The following TSPEAR variants were observed in gnomAD, a reference collection of about 807,000 sequenced individuals.
The protein encoded by TSPEAR is thrombospondin-type laminin G domain and EAR repeat-containing protein.
TSPEAR carries 69 observed loss-of-function variants against 71.6 expected under a neutral mutation model. That is an observed-to-expected ratio of 0.96 (90% CI 0.79 to 1.18). TSPEAR has a LOEUF of 1.18. Among genes scored for constraint, TSPEAR ranks in the 50% most tolerant of loss-of-function variants. The probability of loss-of-function intolerance (pLI) is 0.00; values close to 1 mark genes in which losing one functional copy is unlikely to be tolerated. For synonymous variants in TSPEAR, 402 were observed against 387.2 expected, an observed-to-expected ratio of 1.04 and a Z score of -0.45; for missense variants, 971 against 894.9, an observed-to-expected ratio of 1.09 and a Z score of -1.09.
Position 44,676,317 on chromosome 21 carries a change from A to G in TSPEAR, c.82+35116T>C, listed in dbSNP as rs1555946874. 1.4e-5 allele frequency: 16 copies of G among 1,180,772 alleles called. No individual in the cohort carries two copies. The South Asian group carries it at 1.5e-4, about 11-fold the overall frequency. 73.1% of individuals were successfully genotyped at this position (1,180,772 alleles called of 1,614,324 possible). ...GGATAGCTGTGGCTAAAGCTTTAGT[A>G]AATTCATTATCAGAACAGTTGGCTT... On this transcript the variant is annotated intron_variant, in intron 1 of 11. Transcript: ENST00000323084.
chr21:44,579,992 G>A lies in TSPEAR; in HGVS notation c.83-11987C>T, dbSNP rs782230433. ...GCTAGACTGCTGGCAGCATGAAGTG[G>A]AAGCCCCAGAGCAGACGGGCACACA... is the stretch of plus-strand genomic sequence containing the variant. On this transcript the variant is annotated intron_variant, in intron 1 of 11. Coordinates refer to ENST00000323084, the MANE Select transcript of TSPEAR (RefSeq NM_144991.3). 1.5e-5 allele frequency: 25 copies of A among 1,613,252 alleles called. No homozygotes were observed. Among genetic ancestry groups the A allele is most frequent in the Non-Finnish European group, 2.0e-5 (24 of 1,179,900 alleles).
At chr21:44,547,589 G>C (rs781947328) in intron 2 of TSPEAR, among the ~76,000 whole-genome samples, 5 of 152,212 alleles carry the variant, frequency 3.3e-5, no homozygotes, top group Non-Finnish European at 7.3e-5. Flanking sequence ...TTAAAAAATA[G>C]TTTCTTCATC....
intron 1 of TSPEAR, among the ~76,000 whole-genome samples, chr21:44,569,481 A>G (rs1601425955): frequency 6.6e-6 from 1 of 152,084 alleles, no homozygotes; most frequent in East Asian, 1.9e-4. Flanking sequence ...GTGGCAGGAC[A>G]CACCATGGGC....
At chr21:44,533,422 C>T (rs587611442) in intron 3 of TSPEAR, among the ~76,000 whole-genome samples, 20 of 152,040 alleles carry the variant, frequency 1.3e-4, no homozygotes, top group Admixed American at 3.9e-4. Context: ...GCTCCTGCCC[C>T]TCCACCCCAT....
At chr21:44,632,701 A>C (rs2146211282) in intron 1 of TSPEAR, among the ~76,000 whole-genome samples, 1 of 152,018 alleles carries the variant, frequency 6.6e-6, no homozygotes, top group East Asian at 1.9e-4. Context: ...AAAATAGCTG[A>C]GTGTGGTGGT....
At chr21:44,503,386 C>G (rs1468107117) in intron 11 of TSPEAR, among the ~76,000 whole-genome samples, 217 of 22,954 alleles carry the variant, frequency 9.5e-3, no homozygotes, top group Middle Eastern at 0.031. Context: ...GAGCCCTCGG[C>G]GGGAAGCAAG....
At chr21:44,513,631 C>A (rs587715229) in intron 9 of TSPEAR, among the ~76,000 whole-genome samples, 1 of 152,344 alleles carries the variant, frequency 6.6e-6, no homozygotes, top group African/African-American at 2.4e-5. Context: ...CCAGGAGCAC[C>A]TGGAGCCCCC....
intron 1 of TSPEAR, chr21:44,698,175 C>T (rs1343741786): frequency 1.6e-6 from 1 of 607,596 alleles, no homozygotes; most frequent in African/African-American, 1.9e-5. Context: ...TCCCACATTC[C>T]AGGCCCCTGT....
intron 1 of TSPEAR, among the ~76,000 whole-genome samples, chr21:44,667,558 C>CTTGATGTG (rs1985852379): frequency 6.6e-6 from 1 of 152,196 alleles, no homozygotes; most frequent in African/African-American, 2.4e-5. Flanking sequence ...GGAGACACAG[C>CTTGATGTG]TCTAAGGAAA....
intron 1 of TSPEAR, chr21:44,579,856 ACAG>A: frequency 1.3e-6 from 2 of 1,596,808 alleles, no homozygotes; most frequent in South Asian, 2.2e-5. Context: ...AGGCAGGGGC[ACAG>A]CAGGAGGAGA....
At chr21:44,666,399 G>A in intron 1 of TSPEAR, 1 of 1,545,362 alleles carries the variant, frequency 6.5e-7, no homozygotes. Flanking sequence ...GGAGTGTACA[G>A]GTGTGGCCTC....
intron 1 of TSPEAR, among the ~76,000 whole-genome samples, chr21:44,599,134 T>TTCTCTCCCTCTCTCTC (rs1980577167): frequency 1.1e-4 from 10 of 92,280 alleles, no homozygotes; most frequent in East Asian, 3.1e-4. Context: ...GGCCCCCATT[T>TTCTCTCCCTCTCTCTC]TCTCTCTCTC....
intron 1 of TSPEAR, chr21:44,627,308 T>A: frequency 6.2e-7 from 1 of 1,612,780 alleles, no homozygotes; most frequent in Non-Finnish European, 8.5e-7. Context: ...CTGACCCTGG[T>A]CTGCACCCCA....
rs1555949135 is a variant in TSPEAR, at chr21:44,687,827, T to A, written c.82+23606A>T. On this transcript the variant is annotated intron_variant, in intron 1 of 11. Transcript: ENST00000323084. The surrounding 1 kb of genome is among the most constrained non-coding windows in gnomAD (Gnocchi z 4.4). ...CCCTTGAGATTTGAATCATTTCACATGCAAAACAAATGCTGAACTCGAGTT... is the reference window on the plus strand; with the variant it reads ...CCCTTGAGATTTGAATCATTTCACAAGCAAAACAAATGCTGAACTCGAGTT... Among the ~76,000 whole-genome samples, 2 of 152,220 alleles carry A rather than the reference T, an allele frequency of 1.3e-5. No homozygotes were observed. Among genetic ancestry groups the A allele is most frequent in the Non-Finnish European group, 2.9e-5 (2 of 68,036 alleles).
intron 1 of TSPEAR, among the ~76,000 whole-genome samples, chr21:44,606,235 A>G (rs1981306772): frequency 6.6e-6 from 1 of 152,078 alleles, no homozygotes; most frequent in Non-Finnish European, 1.5e-5. Context: ...ATTTCTCAAA[A>G]GAAGCCATTT....
intron 1 of TSPEAR, chr21:44,676,347 G>A: frequency 8.7e-7 from 1 of 1,145,960 alleles, no homozygotes; most frequent in Non-Finnish European, 1.3e-6. Flanking sequence ...TGGCTTTGAT[G>A]GCCTCAACTG....
chr21:44,650,976 C>G (rs782394752), intron 1 of TSPEAR, among the ~76,000 whole-genome samples: 10 of 152,184 alleles, frequency 6.6e-5, no homozygotes, highest in Non-Finnish European at 1.3e-4. Flanking sequence ...CCCTGATGGT[C>G]CCCCAGGTCC....
rs1232292097 is a variant in TSPEAR, at chr21:44,711,115, C to G, written c.82+318G>C. Among the ~76,000 whole-genome samples the G allele has an allele frequency of 2.0e-5, 3 of 152,346 alleles. No homozygotes were observed. Among genetic ancestry groups the G allele is most frequent in the African/African-American group, 7.2e-5 (3 of 41,582 alleles). The stretch of plus-strand genomic sequence containing the variant: ...CTTCATTCCCAAAGCAGGTGTCAGC[C>G]TTTCCCGGGAGGCCCAGCAGGTAAG... On this transcript the variant is annotated intron_variant, in intron 1 of 11. Transcript: ENST00000323084. This position sits in a 1 kb window ranked among gnomAD's most constrained non-coding sequence, Gnocchi z 4.5.
chr21:44,508,749 T>G (rs782451119), intron 10 of TSPEAR: 18 of 1,268,784 alleles, frequency 1.4e-5, no homozygotes, highest in Middle Eastern at 2.9e-4. Context: ...GTCCTGGTGT[T>G]TGTTGTCGGG....
Sources: allele counts gnomAD v4.1 joint callset (sites outside exome capture counted in the v4.1 genomes callset), GRCh38; gene constraint gnomAD v4.1.1; non-coding constraint Gnocchi (gnomAD v3.1); transcripts MANE v1.5; gene names NCBI Gene and HGNC (gene_info 2026-07-23, HGNC 2026-07-21).